SVEP1: variants seen among roughly 807,000 people sequenced by gnomAD.
The protein encoded by SVEP1 is sushi, von Willebrand factor type A, EGF and pentraxin domain-containing protein 1.
Under a neutral mutation model 367.3 loss-of-function variants are expected in SVEP1, and 164 were observed. The observed-to-expected ratio is 0.45, with a 90% confidence interval of 0.39 to 0.51. The LOEUF is 0.51. Ranked by LOEUF, SVEP1 falls within the 20% of genes least tolerant of loss-of-function variation. SVEP1 has a pLI of 0.00. For synonymous variants in SVEP1, 1,666 were observed against 1,611.6 expected, an observed-to-expected ratio of 1.03 and a Z score of -0.81; for missense variants, 4,117 against 4,425.3, an observed-to-expected ratio of 0.93 and a Z score of 1.98.
intron 8 of SVEP1, among the ~76,000 whole-genome samples, chr9:110,494,490 G>T (rs1564158712): frequency 6.6e-6 from 1 of 152,282 alleles, no homozygotes; most frequent in East Asian, 1.9e-4. Flanking sequence ...TAGAATAATG[G>T]TTATTTTCTA....
chr9:110,382,442 T>C (rs1827452310), intron 43 of SVEP1, among the ~76,000 whole-genome samples: 1 of 152,242 alleles, frequency 6.6e-6, no homozygotes, highest in Non-Finnish European at 1.5e-5. Context: ...TTGCTGTTAG[T>C]CTGATGGGCT....
intron 39 of SVEP1, among the ~76,000 whole-genome samples, chr9:110,403,293 G>T: frequency 1.3e-5 from 1 of 75,186 alleles, no homozygotes; most frequent in Non-Finnish European, 2.1e-5. Flanking sequence ...CCCCGCCACC[G>T]CCGTTTTTTT....
chr9:110,515,645 T>C (rs1486296389), intron 3 of SVEP1, among the ~76,000 whole-genome samples: 9 of 152,166 alleles, frequency 5.9e-5, no homozygotes, highest in African/African-American at 2.2e-4. Context: ...ATCCTCACAG[T>C]ATTAATAAGC....
At chr9:110,399,379 C>T (rs1294720647) in intron 40 of SVEP1, among the ~76,000 whole-genome samples, 2 of 151,854 alleles carry the variant, frequency 1.3e-5, no homozygotes, top group African/African-American at 4.8e-5. Context: ...AGGAGATATA[C>T]CTAATGCTAA....
In SVEP1 at chr9:110,511,488, C is replaced by CTTTTTTTTTTT. The variant is rs199993986; in HGVS notation, c.1303+1427_1303+1437dup. Reference sequence around the variant, plus strand: ...CTAGGTCCATTCATTGTGTCAGTACCTTTTTTTTTTTTTTTTTTTTTTTTT... The same window carrying CTTTTTTTTTTT: ...CTAGGTCCATTCATTGTGTCAGTACCTTTTTTTTTTTTTTTTTTTTTTTTTTTTTTTTTTTT... On this transcript the variant is annotated intron_variant, in intron 5 of 47. Coordinates refer to ENST00000374469, the MANE Select transcript of SVEP1 (RefSeq NM_153366.4). Among the ~76,000 whole-genome samples the CTTTTTTTTTTT allele has an allele frequency of 1.9e-4, 15 of 77,554 alleles. 1 individual carries two copies. Among genetic ancestry groups the CTTTTTTTTTTT allele is most frequent in the Non-Finnish European group, 1.9e-4 (7 of 36,256 alleles). 50.9% of individuals were successfully genotyped at this position (77,554 alleles called of 152,430 possible).
chr9:110,430,199 AACACTTCATATGTCT>A, intron 33 of SVEP1, 60 bp downstream of exon 33: 2 of 1,453,978 alleles, frequency 1.4e-6, no homozygotes, highest in South Asian at 2.7e-5. Context: ...GATACAACAT[AACACTTCATATGTCT>A]ACGCCTTACC....
intron 37 of SVEP1, 142 bp from the exon 38 acceptor site, chr9:110,409,093 T>C: frequency 2.1e-6 from 2 of 972,942 alleles, no homozygotes; most frequent in Non-Finnish European, 2.9e-6. Flanking sequence ...ATTTATGGTT[T>C]TTCCAATAGA....
intron 3 of SVEP1, among the ~76,000 whole-genome samples, chr9:110,538,663 T>C (rs910884128): frequency 2.0e-5 from 3 of 152,104 alleles, no homozygotes; most frequent in African/African-American, 7.2e-5. Context: ...TTATCTGGCC[T>C]TCAGCCTTGG....
At chr9:110,449,827 G>C (rs890949421) in intron 24 of SVEP1, among the ~76,000 whole-genome samples, 1 of 152,130 alleles carries the variant, frequency 6.6e-6, no homozygotes, top group African/African-American at 2.4e-5. Flanking sequence ...CTGTGCATCA[G>C]AATCATTGGG....
intron 1 of SVEP1, among the ~76,000 whole-genome samples, chr9:110,553,599 T>A (rs1170022229): frequency 1.3e-5 from 2 of 152,118 alleles, no homozygotes; most frequent in Non-Finnish European, 2.9e-5. Flanking sequence ...CTTTAACCCC[T>A]CTGCGACACA....
rs12002751 is a variant in SVEP1 at position 110,549,226 on chromosome 9, C to A, written c.787+623G>T. On this transcript the variant is annotated intron_variant, in intron 2 of 47. Transcript: ENST00000374469. ...AGGAAGTTTAATTTATATTACACAG[C>A]TAACTTATTATAATGTATAATTATG... 8.5e-3 allele frequency among the ~76,000 whole-genome samples: 1,296 copies of A among 152,012 alleles called. 21 individuals are homozygous for A. The highest frequency in any genetic ancestry group is 0.03 in the African/African-American group (1,240 of 41,458).
intron 26 of SVEP1, 58 bp downstream of exon 26, chr9:110,445,779 T>C: frequency 1.3e-6 from 2 of 1,588,780 alleles, no homozygotes; most frequent in Non-Finnish European, 1.7e-6. Flanking sequence ...TCAATGTCAG[T>C]TCTAATTCGG....
At chr9:110,403,493 CG>C (rs2118997827) in intron 39 of SVEP1, among the ~76,000 whole-genome samples, 1 of 151,368 alleles carries the variant, frequency 6.6e-6, no homozygotes, top group East Asian at 1.9e-4. Context: ...TTAGTAGAGA[CG>C]GGGTTTCACT....
In SVEP1 at chr9:110,411,789, T is replaced by A. The variant is rs117268631; in HGVS notation, c.5976-54A>T. 977 of 1,407,236 alleles carry A rather than the reference T, an allele frequency of 6.9e-4. 12 individuals carry two copies. In the Middle Eastern group the frequency reaches 0.032, roughly 47 times the overall value. 87.2% of individuals were successfully genotyped at this position (1,407,236 alleles called of 1,614,324 possible). On this transcript the variant is annotated intron_variant, in intron 36 of 47. Coordinates refer to ENST00000374469, the MANE Select transcript of SVEP1 (RefSeq NM_153366.4). ...ACTAAGCATAATATTTGAGAAAAAGTGTTTGTGTCTTCTTCTATTTTTTAA... is the reference window on the plus strand; with the variant it reads ...ACTAAGCATAATATTTGAGAAAAAGAGTTTGTGTCTTCTTCTATTTTTTAA...
In SVEP1 at chr9:110,386,058, A is replaced by G. The variant is rs1360810977; in HGVS notation, c.10077T>C (p.Val3359=). 15 of 1,613,170 alleles carry G rather than the reference A, an allele frequency of 9.3e-6. No homozygotes were observed. The highest frequency in any genetic ancestry group is 1.3e-5 in the African/African-American group (1 of 74,924). Residue 3359 remains valine, a synonymous_variant, in exon 43 of 48, where the codon GTT becomes GTC. Transcript: ENST00000374469. ...VPLCKPNPCP[V]PFVIPENALL... ...GAGCATTCTCGGGAATCACAAAAGGAACAGGGCATGGATTTGCTGTCAAAA... is the reference window on the plus strand; with the variant it reads ...GAGCATTCTCGGGAATCACAAAAGGGACAGGGCATGGATTTGCTGTCAAAA...
chr9:110,370,112 G>A, intron 46 of SVEP1, 96 bp from the exon 47 acceptor site: 1 of 1,098,810 alleles, frequency 9.1e-7, no homozygotes, highest in Non-Finnish European at 1.3e-6. Flanking sequence ...TCTACTTCCT[G>A]CAGCAGCCAC....
At chr9:110,380,089 T>A (rs930387313) in intron 43 of SVEP1, among the ~76,000 whole-genome samples, 1 of 152,220 alleles carries the variant, frequency 6.6e-6, no homozygotes, top group Non-Finnish European at 1.5e-5. Flanking sequence ...AGTTTTCCTC[T>A]TTTCAATACT....
At chr9:110,533,594 C>CTGTGTGTG (rs61074591) in intron 3 of SVEP1, among the ~76,000 whole-genome samples, 8,633 of 146,678 alleles carry the variant, frequency 0.059, 363 homozygotes, top group African/African-American at 0.12. Context: ...CTCTGTGTGT[C>CTGTGTGTG]TGTGTGTGTG....
At chr9:110,436,978 C>G (rs778225129) in intron 27 of SVEP1, among the ~76,000 whole-genome samples, 11 of 152,142 alleles carry the variant, frequency 7.2e-5, no homozygotes, top group Non-Finnish European at 1.6e-4. Context: ...TCTGTAACTT[C>G]TCTGTATCAG....
Sources: gnomAD v4.1 joint callset for allele counts (sites outside exome capture counted in the v4.1 genomes callset) on GRCh38, gnomAD v4.1.1 for gene constraint, MANE v1.5 for transcripts, NCBI Gene and HGNC (gene_info 2026-07-23, HGNC 2026-07-21) for gene names.